PARN: variants seen among roughly 807,000 people sequenced by gnomAD.
The protein encoded by PARN is poly(A)-specific ribonuclease.
PARN carries 71 observed loss-of-function variants against 102.8 expected under a neutral mutation model. The observed-to-expected ratio is 0.69, with a 90% CI of 0.57 to 0.84. The LOEUF is 0.84. PARN is among the 40% of genes least tolerant of loss of function. The probability of loss-of-function intolerance (pLI) is 0.00; values close to 1 mark genes in which losing one functional copy is unlikely to be tolerated. For synonymous variants in PARN, 261 were observed against 252.9 expected (o/e 1.03, Z -0.30); for missense variants, 782 against 760.9 (o/e 1.03, Z -0.33).
chr16:14,591,499 T>C (rs553282944), intron 13 of PARN, among the ~76,000 whole-genome samples: 111 of 152,334 alleles, frequency 7.3e-4, no homozygotes, highest in African/African-American at 2.6e-3. Context: ...TGAAGTTTTA[T>C]TGCAACACGG....
intron 12 of PARN, among the ~76,000 whole-genome samples, chr16:14,599,145 C>A (rs1970726164): frequency 6.7e-6 from 1 of 149,952 alleles, no homozygotes; most frequent in Non-Finnish European, 1.5e-5. Context: ...CGAGCTCCAG[C>A]GATCCTCCCA....
At chr16:14,446,863 A>G in intron 23 of PARN, 25 bp downstream of exon 23, 1 of 1,577,884 alleles carries the variant, frequency 6.3e-7, no homozygotes, top group Non-Finnish European at 8.6e-7. Flanking sequence ...ACGGCCCCAG[A>G]ACTTCGGCAA....
chr16:14,529,210 G>A (rs564903940), intron 21 of PARN, among the ~76,000 whole-genome samples: 213 of 152,284 alleles, frequency 1.4e-3, no homozygotes, highest in African/African-American at 4.6e-3. Context: ...TGTCGAATCC[G>A]AATGCTAAGT....
At chr16:14,493,078 CAAT>C in intron 21 of PARN, among the ~76,000 whole-genome samples, 1 of 151,664 alleles carries the variant, frequency 6.6e-6, no homozygotes, top group South Asian at 2.1e-4. Flanking sequence ...TCTCAAACAA[CAAT>C]AAAAAAAAAG....
At chr16:14,597,015 G>A (rs769468582) in intron 12 of PARN, among the ~76,000 whole-genome samples, 27 of 151,904 alleles carry the variant, frequency 1.8e-4, no homozygotes, top group Non-Finnish European at 2.9e-4. Context: ...TCGAACTCCC[G>A]ACCTCCAGTG....
chr16:14,515,753 C>G (rs1036020974), intron 21 of PARN, among the ~76,000 whole-genome samples: 1 of 151,424 alleles, frequency 6.6e-6, no homozygotes, highest in Non-Finnish European at 1.5e-5. Context: ...CTGGGCAATA[C>G]AGCAAGACCC....
In PARN at chr16:14,613,012, T is replaced by C. The variant is rs557374192; in HGVS notation, c.389-2203A>G. Reference sequence around the variant, plus strand: ...TTAGTTATCATTGGGACACGGGTGGTATTAAAATCCATGGGGACGGGGCGC... The same window carrying C: ...TTAGTTATCATTGGGACACGGGTGGCATTAAAATCCATGGGGACGGGGCGC... On this transcript the variant is annotated intron_variant, in intron 6 of 23. Coordinates refer to ENST00000437198, the MANE Select transcript of PARN (RefSeq NM_002582.4). Among the ~76,000 whole-genome samples, 39 of 151,710 alleles carry C rather than the reference T, an allele frequency of 2.6e-4. No homozygotes were observed. The South Asian group carries it at 5.2e-3, about 20-fold the overall frequency.
At chr16:14,540,580 GTTA>G (rs999640353) in intron 21 of PARN, among the ~76,000 whole-genome samples, 2 of 152,156 alleles carry the variant, frequency 1.3e-5, no homozygotes, top group African/African-American at 4.8e-5. Flanking sequence ...TTCTGAAAAT[GTTA>G]TTAAAGTAGT....
At chr16:14,566,536 A>T (rs538347707) in intron 18 of PARN, among the ~76,000 whole-genome samples, 1 of 152,252 alleles carries the variant, frequency 6.6e-6, no homozygotes, top group East Asian at 1.9e-4. Context: ...TTCACCTAAA[A>T]CACTTGGTAT....
At chr16:14,496,047 CA>C (rs1229211067) in intron 21 of PARN, among the ~76,000 whole-genome samples, 4 of 152,216 alleles carry the variant, frequency 2.6e-5, no homozygotes, top group Non-Finnish European at 5.9e-5. Context: ...CTAGTGCTAA[CA>C]ATCTGCCCAA....
rs1971363725 is a variant in PARN at position 14,609,082 on chromosome 16, T to C, written c.596A>G (p.Asn199Ser). ...CCCGGTACATGGCTCTAAATCCAAG[T>C]TCTTGTTTTCTTCACTTTGTAATAA... ...EDLLQSEENK[N>S]LDLEPCTGFQ... The change falls in exon 8 of 24, where the codon AAC (asparagine) becomes AGC (serine). Residue 199 changes from asparagine (N) to serine (S), a missense_variant. Asn to Ser is a conservative substitution (Grantham distance 46). Coordinates refer to ENST00000437198, the MANE Select transcript of PARN (RefSeq NM_002582.4). 2 of 1,576,464 alleles carry C rather than the reference T, an allele frequency of 1.3e-6. No homozygotes were observed.
At chr16:14,495,577 G>C (rs1678261259) in intron 21 of PARN, among the ~76,000 whole-genome samples, 2 of 152,364 alleles carry the variant, frequency 1.3e-5, no homozygotes, top group Non-Finnish European at 1.5e-5. Context: ...AACAGGCTCT[G>C]TGGTGTGGGG....
At chr16:14,495,546 GGT>G (rs2151617149) in intron 21 of PARN, among the ~76,000 whole-genome samples, 1 of 152,314 alleles carries the variant, frequency 6.6e-6, no homozygotes, top group African/African-American at 2.4e-5. Context: ...GTGGCAAAGG[GGT>G]CAGAGGGTCT....
chr16:14,564,797 A>T (rs190941043), intron 18 of PARN, among the ~76,000 whole-genome samples: 1 of 152,214 alleles, frequency 6.6e-6, no homozygotes, highest in Admixed American at 6.5e-5. Context: ...CGAGTGAAAA[A>T]TTTGCATTCG....
intron 22 of PARN, among the ~76,000 whole-genome samples, chr16:14,460,526 C>T (rs1424272072): frequency 6.6e-6 from 1 of 152,118 alleles, no homozygotes; most frequent in Non-Finnish European, 1.5e-5. Context: ...CCTTTGCACT[C>T]TAAAGGTGTT....
intron 21 of PARN, chr16:14,501,544 A>C (rs1486356592): frequency 6.6e-6 from 1 of 151,330 alleles, no homozygotes; most frequent in Admixed American, 6.6e-5. Context: ...AGCCAAGTTT[A>C]TATCTTACCC....
intron 12 of PARN, among the ~76,000 whole-genome samples, chr16:14,597,069 G>A (rs531310213): frequency 1.3e-5 from 2 of 152,210 alleles, no homozygotes; most frequent in Non-Finnish European, 1.5e-5. Context: ...TTACAGGTGT[G>A]AGCCACCATG....
chr16:14,521,701 C>G (rs1472399683), intron 21 of PARN, among the ~76,000 whole-genome samples: 4 of 151,750 alleles, frequency 2.6e-5, no homozygotes, highest in African/African-American at 9.7e-5. Context: ...GGGAGGGAGG[C>G]TGAGGCAGGA....
At chr16:14,478,342 A>T (rs1011149894) in intron 22 of PARN, among the ~76,000 whole-genome samples, 1 of 152,134 alleles carries the variant, frequency 6.6e-6, no homozygotes, top group African/African-American at 2.4e-5. Context: ...TAAAAGACAA[A>T]ACCCATAAGA....
Sources: gnomAD v4.1 joint callset for allele counts (sites outside exome capture counted in the v4.1 genomes callset) on GRCh38, gnomAD v4.1.1 for gene constraint, MANE v1.5 for transcripts, NCBI Gene and HGNC (gene_info 2026-07-23, HGNC 2026-07-21) for gene names.